C7orf57: variants seen among roughly 807,000 people sequenced by gnomAD.
The protein encoded by C7orf57 is uncharacterized protein C7orf57.
Under a neutral mutation model 39.0 loss-of-function variants are expected in C7orf57, and 33 were observed. That is an observed-to-expected ratio of 0.85 (90% CI 0.64 to 1.13). C7orf57 has a LOEUF of 1.13. C7orf57 is among the 50% of genes most tolerant of loss of function. C7orf57 has a pLI of 0.00. For missense variants in C7orf57, 346 were observed against 362.3 expected (o/e 0.95, Z 0.37); for synonymous variants, 124 against 137.1 (o/e 0.90, Z 0.67).
chr7:48,052,990 C>A, intron 7 of C7orf57, 67 bp downstream of exon 7: 1 of 1,273,382 alleles, frequency 7.9e-7, no homozygotes, highest in Non-Finnish European at 1.1e-6. Context: ...AGCTGACGTT[C>A]TTATCACATG....
chr7:48,054,304 C>T (rs1791045547), intron 7 of C7orf57, among the ~76,000 whole-genome samples: 1 of 151,492 alleles, frequency 6.6e-6, no homozygotes, highest in African/African-American at 2.4e-5. Context: ...ATCCCAGCTA[C>T]TCGGGAGGCT....
Position 48,051,749 on chromosome 7 carries a change from C to CT in C7orf57, c.606-947dup, listed in dbSNP as rs1160761305. Among the ~76,000 whole-genome samples the CT allele has an allele frequency of 3.6e-3, 130 of 36,218 alleles. 8 individuals are homozygous for CT. Among genetic ancestry groups the CT allele is most frequent in the African/African-American group, 0.011 (126 of 11,836 alleles). 23.8% of individuals were successfully genotyped at this position (36,218 alleles called of 152,430 possible). On this transcript the variant is annotated intron_variant, in intron 6 of 8. Transcript: ENST00000348904. ...TTCTCTTTTTCTTTTCTTTCTTTTT[C>CT]TTTTCTTTCTTTCTTTCTTTCTTTC...
rs1308451876 is a variant in C7orf57 at position 48,043,472 on chromosome 7, T to C, written c.242-9T>C. ...GGTGTCTCACAGCCATGTCATTTTC[T>C]CTTTTGAGATTTGTTGAAGCACTTT... On this transcript the variant is annotated splice_polypyrimidine_tract_variant and intron_variant, in intron 3 of 8. Transcript: ENST00000348904. 8.7e-6 allele frequency: 14 copies of C among 1,610,722 alleles called. No individual in the cohort carries two copies. The highest frequency in any genetic ancestry group is 1.2e-5 in the Non-Finnish European group (14 of 1,177,582).
At chr7:48,041,997 T>C (rs1468330114) in intron 3 of C7orf57, among the ~76,000 whole-genome samples, 1 of 152,236 alleles carries the variant, frequency 6.6e-6, no homozygotes, top group African/African-American at 2.4e-5. Context: ...GGACCAAATT[T>C]TGATACATGA....
intron 3 of C7orf57, among the ~76,000 whole-genome samples, chr7:48,042,668 GAA>G (rs1790584384): frequency 6.6e-6 from 1 of 150,708 alleles, no homozygotes; most frequent in Admixed American, 6.6e-5. Context: ...ATTTAACAAT[GAA>G]AAGTGCTTTA....
At chr7:48,054,306 C>T (rs966838217) in intron 7 of C7orf57, among the ~76,000 whole-genome samples, 2 of 150,216 alleles carry the variant, frequency 1.3e-5, no homozygotes, top group Non-Finnish European at 2.9e-5. Flanking sequence ...CCCAGCTACT[C>T]GGGAGGCTGA....
Position 48,035,572 on chromosome 7 carries a change from T to C in C7orf57, c.-160T>C, listed in dbSNP as rs1314250104. 1.4e-6 allele frequency: 1 copy of C among 697,562 alleles called. No homozygotes were observed. Among genetic ancestry groups the C allele is most frequent in the Non-Finnish European group, 2.6e-6 (1 of 383,152 alleles). 43.2% of individuals were successfully genotyped at this position (697,562 alleles called of 1,614,324 possible). ...TTGGTTGGCTGCAGCCAGCCAGCCGTGTAAAAACTCCAACGCCGGGCGCCG... is the reference window on the plus strand; with the variant it reads ...TTGGTTGGCTGCAGCCAGCCAGCCGCGTAAAAACTCCAACGCCGGGCGCCG... On this transcript the variant is annotated 5_prime_UTR_variant, in exon 1 of 9. Coordinates refer to ENST00000348904, the MANE Select transcript of C7orf57 (RefSeq NM_001100159.3). The surrounding 1 kb of genome is among the most constrained non-coding windows in gnomAD (Gnocchi z 4.0).
In C7orf57 at chr7:48,041,374, C is replaced by T. The variant is rs766215119; in HGVS notation, c.96C>T (p.Ala32=). 8.1e-6 allele frequency: 13 copies of T among 1,613,826 alleles called. No homozygotes were observed. Among genetic ancestry groups the T allele is most frequent in the Non-Finnish European group, 1.1e-5 (13 of 1,179,796 alleles). ...YHVPVKRSEK[A]VDAPPASQIP... is the part of the protein sequence containing the mutation. ...TCCCAGTGAAGCGCTCTGAGAAGGC[C>T]GTGGATGCCCCACCAGCGTCCCAGA... The change falls in exon 3 of 9, where the codon GCC becomes GCT. Residue 32 remains alanine, a synonymous_variant. Coordinates refer to ENST00000348904, the MANE Select transcript of C7orf57 (RefSeq NM_001100159.3).
chr7:48,054,870 T>TG (rs1351146822), intron 8 of C7orf57, among the ~76,000 whole-genome samples: 17,104 of 148,444 alleles, frequency 0.12, 1,425 homozygotes, highest in African/African-American at 0.24. Flanking sequence ...TGATGATGAT[T>TG]ATTATTATTA....
intron 8 of C7orf57, among the ~76,000 whole-genome samples, chr7:48,059,598 A>G (rs1161993117): frequency 1.3e-5 from 2 of 152,142 alleles, no homozygotes; most frequent in Non-Finnish European, 2.9e-5. Flanking sequence ...CAATCCACCC[A>G]CTTCAGCCTC....
chr7:48,042,408 T>C (rs779452486), intron 3 of C7orf57, among the ~76,000 whole-genome samples: 10 of 152,246 alleles, frequency 6.6e-5, no homozygotes, highest in Non-Finnish European at 1.3e-4. Context: ...GTGATCATTG[T>C]GCCATGATTA....
intron 5 of C7orf57, among the ~76,000 whole-genome samples, chr7:48,047,046 T>C (rs2708887): frequency 0.86 from 130,695 of 152,154 alleles, 56,671 homozygotes; most frequent in Non-Finnish European, 0.93. Context: ...TATGAAGTCC[T>C]GGTGGTGTAT....
chr7:48,054,671 A>G (rs1791059433), intron 8 of C7orf57, 65 bp downstream of exon 8: 1 of 1,380,484 alleles, frequency 7.2e-7, no homozygotes, highest in South Asian at 1.3e-5. Flanking sequence ...ATTGATGGAC[A>G]TAGTCCTGCA....
chr7:48,054,565 C>T lies in C7orf57; in HGVS notation c.830-30C>T, dbSNP rs145493658. 821 of 1,535,690 alleles carry T rather than the reference C, an allele frequency of 5.3e-4. 2 individuals are homozygous for T. The African/African-American group carries it at 6.2e-3, about 12-fold the overall frequency. ...TTTAATACTTGATCTGTTTCATTAA[C>T]CTGAACAACGAATGTACTTTTTATT... On this transcript the variant is annotated intron_variant, in intron 7 of 8. Transcript: ENST00000348904.
At chr7:48,047,304 C>T (rs1790745924) in intron 5 of C7orf57, among the ~76,000 whole-genome samples, 1 of 152,168 alleles carries the variant, frequency 6.6e-6, no homozygotes, top group Non-Finnish European at 1.5e-5. Context: ...TCAGTTCTTG[C>T]AACTTCAGGG....
chr7:48,059,408 C>G (rs1219062271), intron 8 of C7orf57, among the ~76,000 whole-genome samples: 1 of 152,084 alleles, frequency 6.6e-6, no homozygotes, highest in Admixed American at 6.5e-5. Flanking sequence ...TGGAGTGTAG[C>G]GGTGCCATCA....
At chr7:48,057,823 C>A (rs758907535) in intron 8 of C7orf57, among the ~76,000 whole-genome samples, 1 of 151,936 alleles carries the variant, frequency 6.6e-6, no homozygotes, top group Non-Finnish European at 1.5e-5. Context: ...TTTTTTTTAT[C>A]ATAAAAGGAT....
At position 48,049,974 on chromosome 7, in the gene C7orf57, C is replaced by G. The variant is rs2708890; in HGVS notation, c.602C>G (p.Pro201Arg). The part of the protein sequence containing the change: ...NPAGSRLSFP[P>R]VPGQKNSSPT... The stretch of plus-strand genomic sequence containing the variant: ...GCAGGAAGTAGACTCTCCTTCCCCC[C>G]CGTGTAAGTGCTTGAGCTACGCCCT... Residue 201 changes from proline (P) to arginine (R), a missense_variant, in exon 6 of 9, where the codon CCC (proline) becomes CGC (arginine). Transcript: ENST00000348904. 2.5e-6 allele frequency: 4 copies of G among 1,603,996 alleles called. No individual in the cohort carries two copies. The highest frequency in any genetic ancestry group is 3.4e-6 in the Non-Finnish European group (4 of 1,171,142).
At chr7:48,054,723 C>A in intron 8 of C7orf57, 117 bp downstream of exon 8, 1 of 804,866 alleles carries the variant, frequency 1.2e-6, no homozygotes, top group East Asian at 2.7e-5. Context: ...ATGTCCTTCT[C>A]CAAACTGCAT....
Sources: allele counts gnomAD v4.1 joint callset (sites outside exome capture counted in the v4.1 genomes callset), GRCh38; gene constraint gnomAD v4.1.1; non-coding constraint Gnocchi (gnomAD v3.1); transcripts MANE v1.5; gene names NCBI Gene and HGNC (gene_info 2026-07-23, HGNC 2026-07-21).